Variants in DEPDC1B observed in about 807,000 individuals in gnomAD.
DEPDC1B encodes DEP domain containing 1B, also known as DEP domain-containing protein 1B.
DEPDC1B carries 51 observed loss-of-function variants against 66.5 expected under a neutral mutation model. The observed-to-expected ratio is 0.77, with a 90% CI of 0.61 to 0.97. DEPDC1B has a LOEUF of 0.97. Ranked by LOEUF, DEPDC1B falls within the 50% of genes least tolerant of loss-of-function variation. The pLI, the probability that DEPDC1B is intolerant of heterozygous loss-of-function variation, is 0.00. For synonymous variants in DEPDC1B, 226 were observed against 223.6 expected (o/e 1.01, Z -0.10); for missense variants, 552 against 637.1 (o/e 0.87, Z 1.44).
At chr5:60,614,527 T>C (rs1339359147) in intron 7 of DEPDC1B, among the ~76,000 whole-genome samples, 6 of 152,224 alleles carry the variant, frequency 3.9e-5, no homozygotes. Flanking sequence ...TATTTGTTTA[T>C]GTTTCTAAGC....
chr5:60,631,856 G>T (rs1267818101), intron 7 of DEPDC1B, among the ~76,000 whole-genome samples: 2 of 152,186 alleles, frequency 1.3e-5, no homozygotes, highest in African/African-American at 2.4e-5. Flanking sequence ...ACAGAAAACT[G>T]GTTGGTGGCT....
chr5:60,625,995 G>C (rs1164444847), intron 7 of DEPDC1B, among the ~76,000 whole-genome samples: 1 of 151,640 alleles, frequency 6.6e-6, no homozygotes, highest in Non-Finnish European at 1.5e-5. Context: ...TTTCTTGCTT[G>C]TTCTTTTTTT....
intron 2 of DEPDC1B, among the ~76,000 whole-genome samples, chr5:60,679,792 T>C (rs1176210704): frequency 6.6e-6 from 1 of 152,226 alleles, no homozygotes; most frequent in Non-Finnish European, 1.5e-5. Flanking sequence ...GACAAACACT[T>C]TTCTCATTAA....
intron 2 of DEPDC1B, among the ~76,000 whole-genome samples, chr5:60,657,479 A>G (rs1440458679): frequency 6.6e-6 from 1 of 152,134 alleles, no homozygotes; most frequent in Non-Finnish European, 1.5e-5. Context: ...AGCAGTTCTT[A>G]TAGTAGCTTG....
intron 7 of DEPDC1B, among the ~76,000 whole-genome samples, chr5:60,627,949 G>A (rs2111810143): frequency 6.6e-6 from 1 of 152,116 alleles, no homozygotes; most frequent in South Asian, 2.1e-4. Context: ...GGTACAATCA[G>A]GTCAACAAAC....
Position 60,667,679 on chromosome 5 carries a change from A to ATG in DEPDC1B, c.314+19281_314+19282dup, listed in dbSNP as rs1388374296. Among the ~76,000 whole-genome samples, 4 of 141,676 alleles carry ATG rather than the reference A, an allele frequency of 2.8e-5. No individual in the cohort carries two copies. In the Admixed American group the frequency reaches 2.8e-4, roughly 10 times the overall value. 92.9% of individuals were successfully genotyped at this position (141,676 alleles called of 152,430 possible). On this transcript the variant is annotated intron_variant, in intron 2 of 10. Coordinates refer to ENST00000265036, the MANE Select transcript of DEPDC1B (RefSeq NM_018369.3). ...TACATGTATATAATGGATATTTTACATGTATATAATGGATATTTTACATGT... is the reference window on the plus strand; with the variant it reads ...TACATGTATATAATGGATATTTTACATGTGTATATAATGGATATTTTACATGT...
intron 6 of DEPDC1B, among the ~76,000 whole-genome samples, chr5:60,640,260 T>C (rs1289476400): frequency 2.0e-5 from 3 of 152,226 alleles, no homozygotes; most frequent in Non-Finnish European, 2.9e-5. Context: ...ATTAGGTTGA[T>C]ATGTCTCAGC....
chr5:60,646,289 G>A (rs1375449190), intron 3 of DEPDC1B, among the ~76,000 whole-genome samples: 1 of 152,172 alleles, frequency 6.6e-6, no homozygotes, highest in Admixed American at 6.5e-5. Context: ...AAGACTAGAA[G>A]AATCTACCTT....
chr5:60,617,755 C>T (rs1380847008), intron 7 of DEPDC1B, among the ~76,000 whole-genome samples: 1 of 152,120 alleles, frequency 6.6e-6, no homozygotes, highest in Non-Finnish European at 1.5e-5. Context: ...CAAGGATATC[C>T]AGGAACTGAA....
In DEPDC1B at chr5:60,675,660, AGAGCAGT is replaced by A. The variant is rs561372676; in HGVS notation, c.314+11295_314+11301del. ...CAAACAAAGCTTACGGACTACATAC[AGAGCAGT>A]TACAGGGTCTAGCCTGAAATTTGCC... On this transcript the variant is annotated intron_variant, in intron 2 of 10. Coordinates refer to ENST00000265036, the MANE Select transcript of DEPDC1B (RefSeq NM_018369.3). Among the ~76,000 whole-genome samples the A allele has an allele frequency of 7.2e-5, 11 of 152,166 alleles. 1 individual carries two copies. Among genetic ancestry groups the A allele is most frequent in the African/African-American group, 1.7e-4 (7 of 41,410 alleles).
intron 7 of DEPDC1B, among the ~76,000 whole-genome samples, chr5:60,629,810 A>G (rs1275734119): frequency 6.6e-6 from 1 of 152,152 alleles, no homozygotes; most frequent in Non-Finnish European, 1.5e-5. Context: ...TTTTGTCCCA[A>G]TCTACTGGAT....
chr5:60,613,828 G>GTGTGTGTGTGTGTGTA lies in DEPDC1B; in HGVS notation c.899-7973_899-7972insTACACACACACACACA, dbSNP rs3989094. On this transcript the variant is annotated intron_variant, in intron 7 of 10. Transcript: ENST00000265036. ...TGTGTGTGTGTGTGTGTGTGTGTGT[G>GTGTGTGTGTGTGTGTA]TATACATAAAAAACAGATGTAGGGT... Among the ~76,000 whole-genome samples, 812 of 144,458 alleles carry GTGTGTGTGTGTGTGTA rather than the reference G, an allele frequency of 5.6e-3. 12 individuals carry two copies. The highest frequency in any genetic ancestry group is 0.019 in the African/African-American group (707 of 38,142). The allele number at this position is 144,458 out of a possible 152,430, so 94.8% of individuals were successfully genotyped here.
chr5:60,603,308 A>T, intron 9 of DEPDC1B, 83 bp downstream of exon 9: 2 of 1,306,340 alleles, frequency 1.5e-6, no homozygotes, highest in African/African-American at 1.5e-5. Flanking sequence ...TAATCCTCAT[A>T]ATAAAATGCC....
At chr5:60,614,007 C>G (rs772667477) in intron 7 of DEPDC1B, among the ~76,000 whole-genome samples, 1 of 152,112 alleles carries the variant, frequency 6.6e-6, no homozygotes, top group Non-Finnish European at 1.5e-5. Flanking sequence ...GTTTTCAAGT[C>G]TTACAGGAAC....
intron 3 of DEPDC1B, among the ~76,000 whole-genome samples, chr5:60,646,405 A>G (rs1561373548): frequency 6.6e-6 from 1 of 152,218 alleles, no homozygotes; most frequent in Non-Finnish European, 1.5e-5. Context: ...AAAGAGGAAG[A>G]AGAGTAGTAA....
At chr5:60,694,828 T>C (rs1387730508) in intron 1 of DEPDC1B, among the ~76,000 whole-genome samples, 1 of 152,196 alleles carries the variant, frequency 6.6e-6, no homozygotes, top group East Asian at 1.9e-4. Flanking sequence ...GTATACCCAT[T>C]TAATATGTAC....
intron 2 of DEPDC1B, among the ~76,000 whole-genome samples, chr5:60,659,401 A>C (rs1270640339): frequency 2.0e-5 from 3 of 152,228 alleles, no homozygotes; most frequent in Non-Finnish European, 2.9e-5. Flanking sequence ...CCTGTCAGCC[A>C]GTTAAAAACA....
intron 7 of DEPDC1B, among the ~76,000 whole-genome samples, chr5:60,612,431 A>T (rs1296604558): frequency 1.3e-5 from 2 of 151,652 alleles, no homozygotes; most frequent in Non-Finnish European, 2.9e-5. Flanking sequence ...TAAAAAAAAA[A>T]AAAAAAATAG....
At chr5:60,599,919 TTG>T (rs60016224) in intron 9 of DEPDC1B, among the ~76,000 whole-genome samples, 110,084 of 151,098 alleles carry the variant, frequency 0.73, 41,158 homozygotes, top group African/African-American at 0.92. Flanking sequence ...CATTCTATAT[TTG>T]TGTGTGTGTG....
Sources: gnomAD v4.1 joint callset for allele counts (sites outside exome capture counted in the v4.1 genomes callset) on GRCh38, gnomAD v4.1.1 for gene constraint, MANE v1.5 for transcripts, NCBI Gene and HGNC (gene_info 2026-07-23, HGNC 2026-07-21) for gene names.